Variants in MIA2 observed in about 807,000 individuals in gnomAD.
The protein encoded by MIA2 is melanoma inhibitory activity protein 2.
In MIA2, 127 loss-of-function variants were observed where a neutral mutation model predicts 167.8. The ratio of observed to expected loss-of-function variants is 0.76; its 90% CI spans 0.66 to 0.88. The LOEUF (loss-of-function observed/expected upper bound fraction) is 0.88, where lower values mean the gene tolerates loss of function less well. MIA2 is among the 40% of genes least tolerant of loss of function. The pLI, the probability that MIA2 is intolerant of heterozygous loss-of-function variation, is 0.00. For missense variants in MIA2, 1,690 were observed against 1,624.7 expected (o/e 1.04, Z -0.69); for synonymous variants, 552 against 541.9 (o/e 1.02, Z -0.26).
chr14:39,348,165 G>A (rs1183758574), intron 27 of MIA2, among the ~76,000 whole-genome samples: 1 of 152,164 alleles, frequency 6.6e-6, no homozygotes, highest in African/African-American at 2.4e-5. Context: ...TACTAGAATA[G>A]AAATATAGCT....
chr14:39,277,768 A>T (rs1424307319), intron 7 of MIA2, among the ~76,000 whole-genome samples: 6 of 38,170 alleles, frequency 1.6e-4, no homozygotes, highest in East Asian at 1.0e-3. Context: ...ATATATATAT[A>T]TATATATATA....
chr14:39,235,006 CA>C (rs1194577910), intron 1 of MIA2, among the ~76,000 whole-genome samples: 1 of 150,648 alleles, frequency 6.6e-6, no homozygotes, highest in Non-Finnish European at 1.5e-5. Flanking sequence ...TCAGCAGAAT[CA>C]AAAATTGCTT....
intron 6 of MIA2, among the ~76,000 whole-genome samples, chr14:39,259,231 A>T (rs2054962934): frequency 6.6e-6 from 1 of 152,152 alleles, no homozygotes; most frequent in Non-Finnish European, 1.5e-5. Flanking sequence ...GTCCCAGGGA[A>T]ATGGGGGTTT....
In MIA2 at chr14:39,321,241, G is replaced by C. The variant is rs1391411498; in HGVS notation, c.3496+185G>C. On this transcript the variant is annotated intron_variant, in intron 24 of 28. Transcript: ENST00000640607. ...CTAATTTTGATGTATTTTTCTCTTA[G>C]AAACCGTGCTATATTAGATAACATT... Among the ~76,000 whole-genome samples, 3 of 152,204 alleles carry C rather than the reference G, an allele frequency of 2.0e-5. No homozygotes were observed. In the East Asian group the frequency reaches 5.8e-4, roughly 29 times the overall value.
intron 6 of MIA2, among the ~76,000 whole-genome samples, chr14:39,270,952 C>A (rs558804206): frequency 1.3e-5 from 2 of 152,088 alleles, no homozygotes; most frequent in East Asian, 1.9e-4. Flanking sequence ...GAAGCGTAAG[C>A]GTTCTAAATT....
intron 1 of MIA2, among the ~76,000 whole-genome samples, chr14:39,235,762 A>G (rs1021302808): frequency 2.6e-5 from 4 of 152,118 alleles, no homozygotes; most frequent in African/African-American, 9.7e-5. Context: ...TGGGCAACAG[A>G]ACAAGACCCT....
chr14:39,329,045 A>G (rs1285646212), intron 25 of MIA2, among the ~76,000 whole-genome samples: 1 of 152,174 alleles, frequency 6.6e-6, no homozygotes, highest in Non-Finnish European at 1.5e-5. Context: ...GAATCTATAA[A>G]TTACTTTGGG....
chr14:39,246,670 G>A (rs965117820), intron 3 of MIA2, among the ~76,000 whole-genome samples: 1 of 152,174 alleles, frequency 6.6e-6, no homozygotes. Flanking sequence ...TGGGAGCAGA[G>A]CAAGACCCTG....
At chr14:39,381,144 T>C (rs1185399672) in intron 23 of MIA2, among the ~76,000 whole-genome samples, 2 of 152,228 alleles carry the variant, frequency 1.3e-5, no homozygotes, top group Non-Finnish European at 2.9e-5. Context: ...AAAAGGAGTC[T>C]GGCATCTTCT....
At chr14:39,296,886 G>A (rs1225058447) in intron 13 of MIA2, among the ~76,000 whole-genome samples, 1 of 150,684 alleles carries the variant, frequency 6.6e-6, no homozygotes, top group Non-Finnish European at 1.5e-5. Flanking sequence ...AGTGATTCTC[G>A]TGCCTCAGCC....
chr14:39,376,466 T>C (rs778410042), intron 23 of MIA2, among the ~76,000 whole-genome samples: 33 of 152,180 alleles, frequency 2.2e-4, no homozygotes, highest in Non-Finnish European at 4.4e-4. Flanking sequence ...AAAAATTATG[T>C]TTAATATCAG....
chr14:39,386,446 A>C lies in MIA2; in HGVS notation c.2249-439A>C, dbSNP rs1179885080. Reference sequence around the variant, plus strand: ...TGTTTCTAGCAGAACCTTTTGGAGAACTACATCTCTGATTGGCCCAGTCTT... The same window carrying C: ...TGTTTCTAGCAGAACCTTTTGGAGACCTACATCTCTGATTGGCCCAGTCTT... On this transcript the variant is annotated intron_variant, in intron 23 of 23. Coordinates refer to the MIA2 transcript ENST00000341502. 4 of 1,544,818 alleles carry C rather than the reference A, an allele frequency of 2.6e-6. No individual in the cohort carries two copies. The African/African-American group carries it at 5.5e-5, about 21-fold the overall frequency.
intron 9 of MIA2, 22 bp downstream of exon 9, chr14:39,279,559 T>G: frequency 6.7e-7 from 1 of 1,487,620 alleles, no homozygotes; most frequent in Non-Finnish European, 9.2e-7. Flanking sequence ...TTGAAAATAA[T>G]ATTCATGTTA....
At chr14:39,278,830 A>G (rs1425672849) in intron 7 of MIA2, among the ~76,000 whole-genome samples, 1 of 152,224 alleles carries the variant, frequency 6.6e-6, no homozygotes, top group Non-Finnish European at 1.5e-5. Flanking sequence ...TTAATATGCT[A>G]ATTCACAATG....
intron 28 of MIA2, 52 bp downstream of exon 28, chr14:39,349,029 G>A (rs749550857): frequency 7.0e-6 from 11 of 1,561,880 alleles, no homozygotes; most frequent in Middle Eastern, 1.8e-4. Flanking sequence ...TTTATTAATC[G>A]GAGATTTAAT....
rs2062848653 is a variant in MIA2 at position 39,303,513 on chromosome 14, C to G, written c.2776C>G (p.His926Asp). 6.8e-6 allele frequency: 11 copies of G among 1,610,502 alleles called. No individual in the cohort carries two copies. Among genetic ancestry groups the G allele is most frequent in the Non-Finnish European group, 7.6e-6 (9 of 1,177,576 alleles). Residue 926 changes from histidine (H) to aspartate (D), a missense_variant, in exon 16 of 29, where the codon CAT becomes GAT. His to Asp is a moderately conservative substitution (Grantham distance 81). Transcript: ENST00000640607. ...PPKGALKKLIHAAKLNASLKT... is the reference protein window; with the variant it reads ...PPKGALKKLIDAAKLNASLKT... Reference sequence around the variant, plus strand: ...AAAAGGAGCTTTGAAGAAACTGATTCATGCTGCTAAGGTTTGTGCTATTAG... The same window carrying G: ...AAAAGGAGCTTTGAAGAAACTGATTGATGCTGCTAAGGTTTGTGCTATTAG...
At chr14:39,234,316 T>A in intron 1 of MIA2, 87 bp downstream of exon 1, 1 of 754,462 alleles carries the variant, frequency 1.3e-6, no homozygotes, top group Non-Finnish European at 2.2e-6. Flanking sequence ...ATGATAAAAA[T>A]GAGTATTGAT....
chr14:39,380,691 CAAAAAAAAAA>C (rs145179098), intron 23 of MIA2, among the ~76,000 whole-genome samples: 10,735 of 85,468 alleles, frequency 0.13, 521 homozygotes, highest in South Asian at 0.27. Context: ...GACTCAGACT[CAAAAAAAAAA>C]AAAAAAAAAA....
intron 23 of MIA2, among the ~76,000 whole-genome samples, chr14:39,376,596 G>C (rs2075050433): frequency 6.6e-6 from 1 of 152,198 alleles, no homozygotes; most frequent in Admixed American, 6.5e-5. Flanking sequence ...TTTAGGAAGA[G>C]AGTTTGTTTT....
Sources: allele counts gnomAD v4.1 joint callset (sites outside exome capture counted in the v4.1 genomes callset), GRCh38; gene constraint gnomAD v4.1.1; transcripts MANE v1.5; gene names NCBI Gene and HGNC (gene_info 2026-07-23, HGNC 2026-07-21).